The following SLC39A11 variants were observed in gnomAD, a reference collection of about 807,000 sequenced individuals.
SLC39A11 encodes solute carrier family 39 member 11.
In SLC39A11, 33 loss-of-function variants were observed where a neutral mutation model predicts 36.1. The observed-to-expected ratio is 0.91, with a 90% CI of 0.69 to 1.22. The LOEUF (loss-of-function observed/expected upper bound fraction) is 1.22, where lower values mean the gene tolerates loss of function less well. SLC39A11 is among the 50% of genes most tolerant of loss of function. The probability of loss-of-function intolerance (pLI) is 0.00; values close to 1 mark genes in which losing one functional copy is unlikely to be tolerated. For synonymous variants in SLC39A11, 166 were observed against 170.3 expected (o/e 0.97, Z 0.20); for missense variants, 432 against 430.3 (o/e 1.00, Z -0.03).
chr17:72,669,252 C>A (rs560604887), intron 7 of SLC39A11, among the ~76,000 whole-genome samples: 1 of 152,290 alleles, frequency 6.6e-6, no homozygotes, highest in African/African-American at 2.4e-5. Flanking sequence ...ATCACATTGG[C>A]ACGACACTAT....
At chr17:72,752,873 T>C (rs2075207522) in intron 6 of SLC39A11, among the ~76,000 whole-genome samples, 1 of 152,158 alleles carries the variant, frequency 6.6e-6, no homozygotes, top group African/African-American at 2.4e-5. Context: ...GTTTTGATTT[T>C]TGAGATAGGT....
At chr17:72,703,185 C>G (rs2072730595) in intron 7 of SLC39A11, among the ~76,000 whole-genome samples, 1 of 152,044 alleles carries the variant, frequency 6.6e-6, no homozygotes, top group Non-Finnish European at 1.5e-5. Context: ...GAGTGGATCC[C>G]TTCCAAACCA....
intron 3 of SLC39A11, among the ~76,000 whole-genome samples, chr17:73,066,957 C>T (rs191270646): frequency 6.6e-6 from 1 of 152,308 alleles, no homozygotes; most frequent in African/African-American, 2.4e-5. Context: ...ATCGTATATC[C>T]TTTGTACTAC....
intron 4 of SLC39A11, among the ~76,000 whole-genome samples, chr17:72,995,056 G>C (rs550635919): frequency 1.3e-5 from 2 of 152,268 alleles, no homozygotes; most frequent in Admixed American, 1.3e-4. Context: ...CAGAGAGTTA[G>C]ATTATATATG....
chr17:72,749,351 C>T (rs1423219479), intron 6 of SLC39A11, among the ~76,000 whole-genome samples: 1 of 152,208 alleles, frequency 6.6e-6, no homozygotes, highest in Non-Finnish European at 1.5e-5. Context: ...CACTGGGCTT[C>T]CTCTCCCTAC....
chr17:72,765,512 A>G (rs894759658), intron 6 of SLC39A11, among the ~76,000 whole-genome samples: 18 of 152,298 alleles, frequency 1.2e-4, no homozygotes, highest in African/African-American at 4.3e-4. Flanking sequence ...TCATCTTGAT[A>G]AATTGGCTTT....
intron 5 of SLC39A11, among the ~76,000 whole-genome samples, chr17:72,919,638 C>T (rs1418700531): frequency 1.4e-5 from 2 of 142,816 alleles, no homozygotes; most frequent in Non-Finnish European, 3.0e-5. Context: ...TGCCACCGCA[C>T]TCCAGACTGG....
chr17:72,805,674 C>G (rs1033955159), intron 6 of SLC39A11, among the ~76,000 whole-genome samples: 1 of 152,154 alleles, frequency 6.6e-6, no homozygotes, highest in African/African-American at 2.4e-5. Flanking sequence ...GTCAGACCAG[C>G]TGTGAGGTCC....
At chr17:73,033,836 T>C (rs774592887) in intron 3 of SLC39A11, among the ~76,000 whole-genome samples, 4 of 152,076 alleles carry the variant, frequency 2.6e-5, no homozygotes, top group Non-Finnish European at 5.9e-5. Context: ...ACAGCAACAA[T>C]AAAGAACAAA....
intron 4 of SLC39A11, among the ~76,000 whole-genome samples, chr17:72,965,098 T>A (rs1192077939): frequency 7.1e-6 from 1 of 140,036 alleles, no homozygotes; most frequent in Non-Finnish European, 1.5e-5. Flanking sequence ...GGGCCTGTTG[T>A]GAGGTGGGGG....
intron 7 of SLC39A11, among the ~76,000 whole-genome samples, chr17:72,680,816 T>C (rs1165989482): frequency 6.6e-6 from 1 of 152,258 alleles, no homozygotes; most frequent in Non-Finnish European, 1.5e-5. Context: ...AGCTGAACAA[T>C]ATTCCATTGT....
At chr17:72,984,153 G>A (rs2088537890) in intron 4 of SLC39A11, among the ~76,000 whole-genome samples, 1 of 152,146 alleles carries the variant, frequency 6.6e-6, no homozygotes, top group Non-Finnish European at 1.5e-5. Context: ...CCATCGAATT[G>A]CCACTATCAG....
At chr17:72,935,645 T>TG (rs1323259639) in intron 5 of SLC39A11, among the ~76,000 whole-genome samples, 2 of 152,202 alleles carry the variant, frequency 1.3e-5, no homozygotes, top group African/African-American at 4.8e-5. Context: ...GGCACGATCT[T>TG]GGCTCACTGC....
chr17:72,684,643 C>T (rs894024085), intron 7 of SLC39A11, among the ~76,000 whole-genome samples: 6 of 152,070 alleles, frequency 3.9e-5, no homozygotes, highest in African/African-American at 1.4e-4. Flanking sequence ...GCGGCCACCA[C>T]TATCATCCAC....
intron 4 of SLC39A11, among the ~76,000 whole-genome samples, chr17:73,003,208 A>G (rs1033757301): frequency 6.6e-6 from 1 of 152,244 alleles, no homozygotes; most frequent in Admixed American, 6.5e-5. Flanking sequence ...TGTTAGTTTG[A>G]TATTTCCATT....
intron 3 of SLC39A11, among the ~76,000 whole-genome samples, chr17:73,058,955 T>A (rs987457848): frequency 1.3e-5 from 2 of 151,510 alleles, no homozygotes; most frequent in Admixed American, 6.6e-5. Flanking sequence ...AAATAATAAC[T>A]GTTAAAAAAA....
chr17:72,694,549 C>T (rs1237982267), intron 7 of SLC39A11, among the ~76,000 whole-genome samples: 1 of 152,192 alleles, frequency 6.6e-6, no homozygotes, highest in South Asian at 2.1e-4. Flanking sequence ...CCAACCACTG[C>T]GGGACTTGTT....
rs578097589 is a variant in SLC39A11 at position 73,042,637 on chromosome 17, C to T, written c.148-10923G>A. 2.6e-5 allele frequency among the ~76,000 whole-genome samples: 4 copies of T among 152,216 alleles called. No homozygotes were observed. The East Asian group carries it at 5.8e-4, about 22-fold the overall frequency. On this transcript the variant is annotated intron_variant, in intron 3 of 9. Coordinates refer to ENST00000255559, the MANE Select transcript of SLC39A11 (RefSeq NM_139177.4). Reference sequence around the variant, plus strand: ...CCAACGTGGTGAAACCCCATCTCTACTAAAAATACAAAAATCAGCCGAGCA... The same window carrying T: ...CCAACGTGGTGAAACCCCATCTCTATTAAAAATACAAAAATCAGCCGAGCA...
intron 7 of SLC39A11, among the ~76,000 whole-genome samples, chr17:72,706,055 G>C (rs1166352204): frequency 6.6e-6 from 1 of 152,192 alleles, no homozygotes; most frequent in African/African-American, 2.4e-5. Context: ...TTAAGTGTGA[G>C]GGACCAACTG....
Sources: gnomAD v4.1 joint callset for allele counts (sites outside exome capture counted in the v4.1 genomes callset) on GRCh38, gnomAD v4.1.1 for gene constraint, MANE v1.5 for transcripts, NCBI Gene and HGNC (gene_info 2026-07-23, HGNC 2026-07-21) for gene names.